Variants in PDE4D observed in about 807,000 individuals in gnomAD.
The protein encoded by PDE4D is 3',5'-cyclic-AMP phosphodiesterase 4D.
In PDE4D, 24 loss-of-function variants were observed where a neutral mutation model predicts 87.4. That is an observed-to-expected ratio of 0.27 (90% CI 0.20 to 0.39). The LOEUF (loss-of-function observed/expected upper bound fraction) is 0.39. PDE4D is among the 10% of genes least tolerant of loss of function. The pLI is 1.00. For synonymous variants in PDE4D, 384 were observed against 383.2 expected (o/e 1.00, Z -0.02); for missense variants, 714 against 1,041.0 (o/e 0.69, Z 4.32).
chr5:59,900,163 C>T (rs1347761453), intron 3 of PDE4D, among the ~76,000 whole-genome samples: 3 of 151,516 alleles, frequency 2.0e-5, no homozygotes, highest in African/African-American at 7.3e-5. Context: ...TTGCTTGAAC[C>T]CGGGAGGTGA....
At chr5:59,717,042 T>G (rs1360425591) in intron 1 of PDE4D, among the ~76,000 whole-genome samples, 1 of 152,198 alleles carries the variant, frequency 6.6e-6, no homozygotes, top group Non-Finnish European at 1.5e-5. Flanking sequence ...CCTTTTTTCC[T>G]TAGGGATAAA....
At chr5:60,099,127 A>C (rs1185106689) in intron 2 of PDE4D, among the ~76,000 whole-genome samples, 1 of 151,662 alleles carries the variant, frequency 6.6e-6, no homozygotes, top group African/African-American at 2.4e-5. Context: ...ACATCATTCC[A>C]CTCCCTCCTG....
At chr5:60,509,131 C>A (rs1039345763) in intron 1 of PDE4D, among the ~76,000 whole-genome samples, 1 of 152,154 alleles carries the variant, frequency 6.6e-6, no homozygotes, top group Admixed American at 6.5e-5. Flanking sequence ...TGCACCAGGG[C>A]ACCTGGCCAG....
chr5:59,446,956 C>T (rs551104056), intron 1 of PDE4D, among the ~76,000 whole-genome samples: 3 of 152,246 alleles, frequency 2.0e-5, no homozygotes, highest in African/African-American at 7.2e-5. Flanking sequence ...AAATAGTTAT[C>T]GCTTTCACAT....
chr5:59,925,047 C>T (rs1217261512), intron 3 of PDE4D, among the ~76,000 whole-genome samples: 2 of 151,376 alleles, frequency 1.3e-5, no homozygotes, highest in South Asian at 2.1e-4. Flanking sequence ...TGGTGGTGGG[C>T]GCCTGTAGTC....
At chr5:60,420,748 C>T (rs941352985) in intron 1 of PDE4D, among the ~76,000 whole-genome samples, 8 of 152,194 alleles carry the variant, frequency 5.3e-5, no homozygotes, top group Admixed American at 1.3e-4. Flanking sequence ...GGTGGGGCAT[C>T]GCCTCACCTG....
chr5:59,413,824 T>G (rs959784890), intron 1 of PDE4D, among the ~76,000 whole-genome samples: 8 of 152,146 alleles, frequency 5.3e-5, no homozygotes, highest in Non-Finnish European at 1.0e-4. Context: ...ATTTTCAACT[T>G]CCTCCTAGAA....
chr5:59,300,111 C>CAG (rs1769918779), intron 1 of PDE4D, among the ~76,000 whole-genome samples: 1 of 48,758 alleles, frequency 2.1e-5, no homozygotes, highest in Non-Finnish European at 3.5e-5. Flanking sequence ...GGGTCTGTCT[C>CAG]AAAAAAAAAA....
chr5:60,308,377 T>C (rs558166915), intron 1 of PDE4D, among the ~76,000 whole-genome samples: 1 of 152,350 alleles, frequency 6.6e-6, no homozygotes, highest in South Asian at 2.1e-4. Flanking sequence ...CTTGTTGAAT[T>C]CTGAGGTACC....
intron 1 of PDE4D, among the ~76,000 whole-genome samples, chr5:59,676,715 CAT>C (rs1748150169): frequency 6.6e-6 from 1 of 152,156 alleles, no homozygotes; most frequent in African/African-American, 2.4e-5. Context: ...TGTTTCAATA[CAT>C]ACAATGCATA....
At chr5:60,125,656 T>C (rs1055602346) in intron 2 of PDE4D, among the ~76,000 whole-genome samples, 12 of 152,192 alleles carry the variant, frequency 7.9e-5, no homozygotes, top group Non-Finnish European at 1.5e-4. Flanking sequence ...GATAATTATT[T>C]ATTACCTATC....
At chr5:59,029,366 G>A (rs13357540) in intron 6 of PDE4D, among the ~76,000 whole-genome samples, 15,135 of 135,004 alleles carry the variant, frequency 0.11, 1,234 homozygotes, top group East Asian at 0.49. Context: ...GCAGTAAGCC[G>A]AGATCGCGCC....
At position 58,975,643 on chromosome 5, in the gene PDE4D, A is replaced by ACT; in HGVS notation, c.2013+12_2013+13dup. ...GCTCTGTTCTCTCTGAAAGCTATACACTTCATGCATTACCTGTGATTTTTC... is the reference window on the plus strand; with the variant it reads ...GCTCTGTTCTCTCTGAAAGCTATACACTCTTCATGCATTACCTGTGATTTTTC... On this transcript the variant is annotated intron_variant, in intron 14 of 14. Transcript: ENST00000340635. This position sits in a 1 kb window ranked among gnomAD's most constrained non-coding sequence, Gnocchi z 4.2. The ACT allele has an allele frequency of 6.4e-7, 1 of 1,564,326 alleles. No homozygotes were observed. Among genetic ancestry groups the ACT allele is most frequent in the Non-Finnish European group, 8.7e-7 (1 of 1,153,174 alleles).
chr5:59,680,685 CCTTA>C (rs1366717985), intron 1 of PDE4D, among the ~76,000 whole-genome samples: 1 of 152,018 alleles, frequency 6.6e-6, no homozygotes, highest in Non-Finnish European at 1.5e-5. Flanking sequence ...CTTTTCTTTG[CCTTA>C]CTTCTCTTTT....
intron 2 of PDE4D, among the ~76,000 whole-genome samples, chr5:60,041,906 AT>A (rs67016280): frequency 6.3e-4 from 93 of 147,088 alleles, no homozygotes; most frequent in Admixed American, 9.5e-4. Context: ...TAGCTGCAGG[AT>A]TTTTTTTTTT....
intron 3 of PDE4D, among the ~76,000 whole-genome samples, chr5:59,186,865 G>A (rs1724220036): frequency 6.6e-6 from 1 of 152,138 alleles, no homozygotes; most frequent in African/African-American, 2.4e-5. Flanking sequence ...ATCAGACCAC[G>A]ATGTCTTTCA....
chr5:59,404,528 G>A (rs1791271667), intron 1 of PDE4D, among the ~76,000 whole-genome samples: 1 of 152,038 alleles, frequency 6.6e-6, no homozygotes, highest in African/African-American at 2.4e-5. Flanking sequence ...GCATGGTGGT[G>A]TGCACCTATA....
At chr5:59,950,798 T>C (rs949246907) in intron 3 of PDE4D, among the ~76,000 whole-genome samples, 3 of 152,144 alleles carry the variant, frequency 2.0e-5, no homozygotes, top group African/African-American at 7.2e-5. Context: ...TTTCTTCTTT[T>C]TTCCTCGTTT....
intron 1 of PDE4D, among the ~76,000 whole-genome samples, chr5:60,268,467 G>A (rs974586941): frequency 1.3e-5 from 2 of 152,160 alleles, no homozygotes; most frequent in African/African-American, 4.8e-5. Flanking sequence ...GGGTGTGGAC[G>A]GCTACCTCAC....
Sources: allele counts gnomAD v4.1 joint callset (sites outside exome capture counted in the v4.1 genomes callset), GRCh38; gene constraint gnomAD v4.1.1; non-coding constraint Gnocchi (gnomAD v3.1); transcripts MANE v1.5; gene names NCBI Gene and HGNC (gene_info 2026-07-23, HGNC 2026-07-21).